Variants in RICTOR observed in about 807,000 individuals in gnomAD.
RICTOR encodes RPTOR independent companion of MTOR complex 2.
Under a neutral mutation model 214.9 loss-of-function variants are expected in RICTOR, and 49 were observed. That is an observed-to-expected ratio of 0.23 (90% CI 0.18 to 0.29). The LOEUF is 0.29. Ranked by LOEUF, RICTOR falls within the 10% of genes least tolerant of loss-of-function variation. The pLI is 1.00. For synonymous variants in RICTOR, 717 were observed against 711.3 expected (o/e 1.01, Z -0.13); for missense variants, 1,625 against 2,047.0 (o/e 0.79, Z 3.98).
At chr5:39,038,034 C>A (rs890743578) in intron 2 of RICTOR, among the ~76,000 whole-genome samples, 27 of 152,170 alleles carry the variant, frequency 1.8e-4, no homozygotes, top group African/African-American at 6.5e-4. Flanking sequence ...AATTTTAGAC[C>A]AATATCCCTG....
chr5:39,049,916 A>G (rs1757733931), intron 2 of RICTOR, among the ~76,000 whole-genome samples: 1 of 152,138 alleles, frequency 6.6e-6, no homozygotes, highest in African/African-American at 2.4e-5. Context: ...TCTAACATAC[A>G]TGAGAGTTCA....
At chr5:39,002,415 T>C (rs199746232) in intron 5 of RICTOR, 120 bp downstream of exon 5, 91 of 391,552 alleles carry the variant, frequency 2.3e-4, no homozygotes, top group Middle Eastern at 2.1e-3. Context: ...TATATATATA[T>C]ACACACACAC....
At chr5:39,071,526 G>A (rs1329410815) in intron 2 of RICTOR, among the ~76,000 whole-genome samples, 2 of 152,140 alleles carry the variant, frequency 1.3e-5, no homozygotes, top group East Asian at 3.8e-4. Flanking sequence ...CTTTAATTAA[G>A]AACTAGCTCA....
At chr5:38,975,082 T>A (rs755984049) in intron 10 of RICTOR, among the ~76,000 whole-genome samples, 3 of 152,190 alleles carry the variant, frequency 2.0e-5, no homozygotes, top group African/African-American at 4.8e-5. Flanking sequence ...TACTTACTTT[T>A]TATTCCATGG....
intron 3 of RICTOR, among the ~76,000 whole-genome samples, chr5:39,018,498 G>A (rs148187794): frequency 6.6e-6 from 1 of 152,126 alleles, no homozygotes; most frequent in African/African-American, 2.4e-5. Flanking sequence ...AAAAGCATGC[G>A]CTCACTTTGC....
chr5:39,015,146 T>C (rs555257449), intron 3 of RICTOR, among the ~76,000 whole-genome samples: 6 of 152,226 alleles, frequency 3.9e-5, no homozygotes, highest in East Asian at 1.9e-4. Context: ...GGCATATCTA[T>C]CAAATAATGG....
intron 3 of RICTOR, among the ~76,000 whole-genome samples, chr5:39,006,291 G>A (rs1026489067): frequency 6.6e-6 from 1 of 152,122 alleles, no homozygotes; most frequent in Non-Finnish European, 1.5e-5. Flanking sequence ...CATTGAGAGC[G>A]GTGGTCTAAT....
intron 36 of RICTOR, 46 bp downstream of exon 36, chr5:38,944,400 A>C (rs1747944794): frequency 6.4e-7 from 1 of 1,567,010 alleles, no homozygotes; most frequent in Non-Finnish European, 8.6e-7. Flanking sequence ...TTCTCGACTT[A>C]AAAAACAGAA....
At chr5:38,987,330 T>G in intron 7 of RICTOR, among the ~76,000 whole-genome samples, 1 of 152,214 alleles carries the variant, frequency 6.6e-6, no homozygotes, top group East Asian at 1.9e-4. Context: ...CTGGTAGAAT[T>G]TGGCTGTGAA....
At chr5:39,034,339 G>A in intron 2 of RICTOR, among the ~76,000 whole-genome samples, 1 of 152,196 alleles carries the variant, frequency 6.6e-6, no homozygotes, top group East Asian at 1.9e-4. Context: ...TGGGGGTGGA[G>A]CCAAGATGGC....
At chr5:38,998,689 A>G (rs1753359621) in intron 5 of RICTOR, among the ~76,000 whole-genome samples, 1 of 152,206 alleles carries the variant, frequency 6.6e-6, no homozygotes, top group African/African-American at 2.4e-5. Flanking sequence ...GAAAAGATGA[A>G]GAAATGAAGC....
At chr5:38,999,527 T>C (rs975005492) in intron 5 of RICTOR, among the ~76,000 whole-genome samples, 3 of 152,084 alleles carry the variant, frequency 2.0e-5, no homozygotes, top group African/African-American at 7.2e-5. Context: ...CAAGGATATA[T>C]GTTCCAATCT....
chr5:38,976,747 T>C (rs924943427), intron 9 of RICTOR, among the ~76,000 whole-genome samples: 3 of 152,212 alleles, frequency 2.0e-5, no homozygotes, highest in Admixed American at 2.0e-4. Context: ...TACCTGCTTA[T>C]ACTCCAGAAA....
In RICTOR at chr5:38,942,817, T is replaced by C. The variant is rs758661436; in HGVS notation, c.5052+16A>G. 4 of 1,553,986 alleles carry C rather than the reference T, an allele frequency of 2.6e-6. No homozygotes were observed. Among genetic ancestry groups the C allele is most frequent in the Non-Finnish European group, 2.7e-6 (3 of 1,125,614 alleles). Reference sequence around the variant, plus strand: ...ATTCTTGGAAGATAAATTTGAGAAGTACTAATCATACTTACTTGTAGAAAC... The same window carrying C: ...ATTCTTGGAAGATAAATTTGAGAAGCACTAATCATACTTACTTGTAGAAAC... On this transcript the variant is annotated intron_variant, in intron 37 of 37. Transcript: ENST00000357387.
At chr5:39,019,045 T>TA (rs1755187382) in intron 3 of RICTOR, among the ~76,000 whole-genome samples, 1 of 152,178 alleles carries the variant, frequency 6.6e-6, no homozygotes, top group Non-Finnish European at 1.5e-5. Context: ...AACATTCCTT[T>TA]AAACTAAAGC....
chr5:39,047,707 T>C (rs1757588235), intron 2 of RICTOR, among the ~76,000 whole-genome samples: 1 of 152,180 alleles, frequency 6.6e-6, no homozygotes, highest in African/African-American at 2.4e-5. Flanking sequence ...CTGTATGAAA[T>C]GAGTTTAGGT....
At chr5:39,070,415 G>A (rs921749220) in intron 2 of RICTOR, among the ~76,000 whole-genome samples, 3 of 152,048 alleles carry the variant, frequency 2.0e-5, no homozygotes, top group Non-Finnish European at 4.4e-5. Context: ...CTTGCAGTGA[G>A]CCGAGATTGC....
At chr5:38,999,027 C>CAAAAAAAAAAAAAAAAAAAAAAAA (rs1186312478) in intron 5 of RICTOR, among the ~76,000 whole-genome samples, 3 of 25,342 alleles carry the variant, frequency 1.2e-4, no homozygotes, top group Non-Finnish European at 1.5e-4. Flanking sequence ...AACAAACAGG[C>CAAAAAAAAAAAAAAAAAAAAAAAA]AAAAAAAAAA....
At chr5:38,993,807 G>C (rs895717765) in intron 6 of RICTOR, among the ~76,000 whole-genome samples, 1 of 152,096 alleles carries the variant, frequency 6.6e-6, no homozygotes, top group Non-Finnish European at 1.5e-5. Context: ...GCCAGAAGTA[G>C]AAAATTCAGC....
Sources: gnomAD v4.1 joint callset for allele counts (sites outside exome capture counted in the v4.1 genomes callset) on GRCh38, gnomAD v4.1.1 for gene constraint, MANE v1.5 for transcripts, NCBI Gene and HGNC (gene_info 2026-07-23, HGNC 2026-07-21) for gene names.